The following PARD3B variants were observed in gnomAD, a reference collection of about 807,000 sequenced individuals.
PARD3B encodes partitioning defective 3 homolog B.
PARD3B carries 103 observed loss-of-function variants against 130.2 expected under a neutral mutation model. That is an observed-to-expected ratio of 0.79 (90% confidence interval 0.67 to 0.93). The LOEUF is 0.93. PARD3B is among the 40% of genes least tolerant of loss of function. The pLI, the probability that PARD3B is intolerant of heterozygous loss-of-function variation, is 0.00. For missense variants in PARD3B, 1,609 were observed against 1,499.2 expected (o/e 1.07, Z -1.21); for synonymous variants, 583 against 553.2 (o/e 1.05, Z -0.76).
intron 18 of PARD3B, among the ~76,000 whole-genome samples, chr2:205,344,194 T>TTGTGTTTGTGTGTG (rs148707708): frequency 5.0e-4 from 70 of 141,036 alleles, no homozygotes; most frequent in South Asian, 1.0e-3. Flanking sequence ...GTCAGTTGGT[T>TTGTGTTTGTGTGTG]TGTGTGTGTG....
At chr2:205,270,769 A>C (rs2040693534) in intron 16 of PARD3B, among the ~76,000 whole-genome samples, 1 of 152,012 alleles carries the variant, frequency 6.6e-6, no homozygotes, top group Non-Finnish European at 1.5e-5. Context: ...CTTGCAGTAG[A>C]TCTAGGCAAA....
At chr2:205,023,758 AG>A (rs984689614) in intron 3 of PARD3B, among the ~76,000 whole-genome samples, 3 of 152,188 alleles carry the variant, frequency 2.0e-5, no homozygotes, top group African/African-American at 7.2e-5. Flanking sequence ...TCTCTTTTAA[AG>A]GATGCATGGA....
chr2:205,431,652 G>T (rs575212925), intron 19 of PARD3B, among the ~76,000 whole-genome samples: 2 of 151,816 alleles, frequency 1.3e-5, no homozygotes, highest in East Asian at 3.9e-4. Context: ...TGTATTTTTA[G>T]TAGAGACGGG....
chr2:205,553,911 GGAAA>G (rs143230725), intron 22 of PARD3B, among the ~76,000 whole-genome samples: 4,042 of 152,226 alleles, frequency 0.027, 174 homozygotes, highest in African/African-American at 0.09. Context: ...ACCCAACGGG[GGAAA>G]GAAACAACTG....
At chr2:205,423,976 T>G (rs1253047490) in intron 19 of PARD3B, among the ~76,000 whole-genome samples, 1 of 152,126 alleles carries the variant, frequency 6.6e-6, no homozygotes, top group African/African-American at 2.4e-5. Context: ...AAATAGCTTA[T>G]GGGTACTAGG....
intron 3 of PARD3B, among the ~76,000 whole-genome samples, chr2:204,976,014 T>A (rs1460374731): frequency 2.0e-5 from 3 of 152,222 alleles, no homozygotes; most frequent in Non-Finnish European, 2.9e-5. Context: ...GTTTGATAGT[T>A]GCCACAAACT....
Position 205,460,442 on chromosome 2 carries a change from A to G in PARD3B, c.3044+19770A>G, listed in dbSNP as rs1383385295. On this transcript the variant is annotated intron_variant, in intron 20 of 22. Coordinates refer to ENST00000406610, the MANE Select transcript of PARD3B (RefSeq NM_001302769.2). The surrounding 1 kb of genome is among the most constrained non-coding windows in gnomAD (Gnocchi z 4.9). The stretch of plus-strand genomic sequence containing the variant: ...ATGATGATGATGATGATGATAGTCA[A>G]TAGTAGTATTTATTGTATATTTAAT... 6.7e-6 allele frequency among the ~76,000 whole-genome samples: 1 copy of G among 149,156 alleles called. No individual in the cohort carries two copies. Among genetic ancestry groups the G allele is most frequent in the Admixed American group, 6.8e-5 (1 of 14,770 alleles).
chr2:205,101,622 A>C (rs72930542), intron 4 of PARD3B, among the ~76,000 whole-genome samples: 1,841 of 152,346 alleles, frequency 0.012, 23 homozygotes, highest in Non-Finnish European at 0.019. Flanking sequence ...AAGAGTGGAA[A>C]CAACCCAAAT....
chr2:205,432,577 A>G (rs116427901), intron 19 of PARD3B, among the ~76,000 whole-genome samples: 2,203 of 152,238 alleles, frequency 0.014, 26 homozygotes, highest in Non-Finnish European at 0.023. Context: ...TGTTATCTGT[A>G]TAGTTTAATT....
intron 2 of PARD3B, among the ~76,000 whole-genome samples, chr2:204,883,455 A>ATATAAAATATATATATATATATTTT (rs1377428928): frequency 1.3e-5 from 1 of 77,272 alleles, no homozygotes; most frequent in Non-Finnish European, 2.3e-5. Context: ...ATATATATAT[A>ATATAAAATATATATATATATATTTT]TTTTTTTTTT....
intron 20 of PARD3B, among the ~76,000 whole-genome samples, chr2:205,464,354 C>G (rs1385765284): frequency 2.6e-5 from 4 of 152,118 alleles, no homozygotes; most frequent in African/African-American, 9.7e-5. Context: ...TTTTTAAATT[C>G]CTTTCCATCC....
chr2:204,667,956 G>A (rs758533650), intron 1 of PARD3B, among the ~76,000 whole-genome samples: 1 of 152,172 alleles, frequency 6.6e-6, no homozygotes, highest in Admixed American at 6.5e-5. Flanking sequence ...TATATAAAGA[G>A]AGTTAAAACA....
chr2:205,546,800 T>C (rs932318009), intron 21 of PARD3B, among the ~76,000 whole-genome samples: 1 of 152,166 alleles, frequency 6.6e-6, no homozygotes, highest in Non-Finnish European at 1.5e-5. Context: ...ATTGATCAAA[T>C]TATAGGAGAT....
intron 2 of PARD3B, among the ~76,000 whole-genome samples, chr2:204,750,760 G>T (rs2040435032): frequency 6.6e-6 from 1 of 152,052 alleles, no homozygotes; most frequent in African/African-American, 2.4e-5. Context: ...CTCCTTTCAA[G>T]TGCTCTGTAG....
intron 4 of PARD3B, among the ~76,000 whole-genome samples, chr2:205,085,720 T>C (rs13406940): frequency 0.025 from 3,772 of 152,188 alleles, 145 homozygotes; most frequent in African/African-American, 0.083. Context: ...GTATTTTCCA[T>C]CAAATTATTG....
At chr2:204,699,652 A>G (rs1218519980) in intron 2 of PARD3B, among the ~76,000 whole-genome samples, 2 of 152,148 alleles carry the variant, frequency 1.3e-5, no homozygotes, top group Non-Finnish European at 2.9e-5. Flanking sequence ...TGAATGTTAC[A>G]ATAAGACAAG....
intron 15 of PARD3B, among the ~76,000 whole-genome samples, chr2:205,197,896 C>T (rs1189525591): frequency 6.6e-6 from 1 of 152,206 alleles, no homozygotes; most frequent in Non-Finnish European, 1.5e-5. Flanking sequence ...AATAACACAG[C>T]TGCCTCTTTG....
chr2:204,553,118 A>T (rs1232531756), intron 1 of PARD3B, among the ~76,000 whole-genome samples: 1 of 152,124 alleles, frequency 6.6e-6, no homozygotes, highest in African/African-American at 2.4e-5. Context: ...GACAATTCTC[A>T]AAAGAAGATA....
At chr2:204,832,674 G>C (rs923053479) in intron 2 of PARD3B, among the ~76,000 whole-genome samples, 4 of 152,168 alleles carry the variant, frequency 2.6e-5, no homozygotes, top group Admixed American at 1.3e-4. Context: ...GCTGTGATGG[G>C]TACGCTGGGC....
Sources: allele counts gnomAD v4.1 joint callset (sites outside exome capture counted in the v4.1 genomes callset), GRCh38; gene constraint gnomAD v4.1.1; non-coding constraint Gnocchi (gnomAD v3.1); transcripts MANE v1.5; gene names NCBI Gene and HGNC (gene_info 2026-07-23, HGNC 2026-07-21).